Variants in LOX observed in about 807,000 individuals in gnomAD.
The protein encoded by LOX is protein-lysine 6-oxidase.
Under a neutral mutation model 50.5 loss-of-function variants are expected in LOX, and 12 were observed. The observed-to-expected ratio is 0.24, with a 90% CI of 0.15 to 0.38. The LOEUF is 0.38. LOX is among the 10% of genes least tolerant of loss of function. LOX has a pLI of 1.00. For synonymous variants in LOX, 254 were observed against 230.6 expected (o/e 1.10, Z -0.92); for missense variants, 504 against 563.8 (o/e 0.89, Z 1.07).
Position 122,077,667 on chromosome 5 carries a change from C to A in LOX, c.319G>T (p.Ala107Ser). ...NRTAAARTRTAGSSGVTAGRP... is the reference protein window; with the variant it reads ...NRTAAARTRTSGSSGVTAGRP... ...CCAGCGGTGACTCCAGATGAGCCGG[C>A]CGTCCGCGTTCGCGCCGCGGCGGTG... The change falls in exon 1 of 7, where the codon GCC becomes TCC. Residue 107 changes from alanine to serine, a missense_variant. Around this residue, in one of 2 missense-constraint regions of LOX, gnomAD observed 398 missense variants for 365.8 expected, o/e 1.09. Coordinates refer to ENST00000231004, the MANE Select transcript of LOX (RefSeq NM_002317.7). The surrounding 1 kb of genome is among the most constrained non-coding windows in gnomAD (Gnocchi z 4.9). The A allele has an allele frequency of 1.2e-6, 2 of 1,605,342 alleles. No individual in the cohort carries two copies. The highest frequency in any genetic ancestry group is 1.1e-5 in the South Asian group (1 of 90,676).
chr5:122,077,650 G>A lies in LOX; in HGVS notation c.336C>T (p.Val112=), dbSNP rs570623139. The A allele has an allele frequency of 8.1e-6, 13 of 1,608,492 alleles. 1 individual carries two copies. The South Asian group carries it at 1.4e-4, about 18-fold the overall frequency. The change falls in exon 1 of 7, where the codon GTC becomes GTT. Residue 112 remains valine (V), a synonymous_variant. Coordinates refer to ENST00000231004, the MANE Select transcript of LOX (RefSeq NM_002317.7). This position sits in a 1 kb window ranked among gnomAD's most constrained non-coding sequence, Gnocchi z 4.9. ...ARTRTAGSSG[V]TAGRPRPTAR... ...CGGTGGGCCTGGGGCGGCCAGCGGT[G>A]ACTCCAGATGAGCCGGCCGTCCGCG...
chr5:122,074,219 G>A, intron 3 of LOX, 50 bp from the exon 4 acceptor site: 1 of 1,507,356 alleles, frequency 6.6e-7, no homozygotes, highest in South Asian at 1.2e-5. Context: ...TACAGAGAAA[G>A]CAATGAAGAT....
At chr5:122,072,162 G>A (rs1260920612) in intron 4 of LOX, among the ~76,000 whole-genome samples, 8 of 152,028 alleles carry the variant, frequency 5.3e-5, no homozygotes, top group Admixed American at 5.2e-4. Flanking sequence ...ATTTAAGATG[G>A]GTTTACATAA....
chr5:122,076,986 A>T lies in LOX; in HGVS notation c.647T>A (p.Val216Glu), dbSNP rs779735609. Reference protein sequence around the residue: ...GYFQYGLPDLVADPYYIQAST... With the variant: ...GYFQYGLPDLEADPYYIQAST... ...CGCCTGGATGTAGTAGGGGTCGGCC[A>T]CCAGGTCTGGGAGACCTAAACGTCA... Residue 216 changes from valine to glutamate, a missense_variant, in exon 2 of 7, where the codon GTG becomes GAG. Around this residue, in one of 2 missense-constraint regions of LOX, gnomAD observed 398 missense variants for 365.8 expected, o/e 1.09. Transcript: ENST00000231004. 8.7e-6 allele frequency: 14 copies of T among 1,613,674 alleles called. No individual in the cohort carries two copies. The highest frequency in any genetic ancestry group is 1.2e-5 in the Non-Finnish European group (14 of 1,179,960).
rs1754665931 is a variant in LOX, at chr5:122,077,281, G to A, written c.631+74C>T. The A allele has an allele frequency of 9.4e-6, 15 of 1,593,946 alleles. No individual in the cohort carries two copies. Among genetic ancestry groups the A allele is most frequent in the Non-Finnish European group, 1.3e-5 (15 of 1,170,598 alleles). ...CGAGGACCGGGGCCCGCCGCGCCCA[G>A]GCAGCCACGTCGAGAAGCCACATAG... is the stretch of plus-strand genomic sequence containing the variant. On this transcript the variant is annotated intron_variant, in intron 1 of 6. Coordinates refer to ENST00000231004, the MANE Select transcript of LOX (RefSeq NM_002317.7). This position sits in a 1 kb window ranked among gnomAD's most constrained non-coding sequence, Gnocchi z 4.9.
intron 4 of LOX, 50 bp downstream of exon 4, chr5:122,073,963 C>A (rs749252530): frequency 9.0e-6 from 14 of 1,554,846 alleles, no homozygotes; most frequent in Non-Finnish European, 1.1e-5. Flanking sequence ...CGGTAGATGA[C>A]CCGTTTCTCT....
chr5:122,075,564 A>G lies in LOX; in HGVS notation c.741-23T>C, dbSNP rs141511990. The stretch of plus-strand genomic sequence containing the variant: ...GTACTGTGATTTTGAAAAAAGAAAA[A>G]TTATTATATTCATGGAATATTAACT... On this transcript the variant is annotated intron_variant, in intron 2 of 6. Transcript: ENST00000231004. 801 of 1,496,506 alleles carry G rather than the reference A, an allele frequency of 5.4e-4. 4 individuals are homozygous for G. The African/African-American group carries it at 9.9e-3, about 19-fold the overall frequency. The allele number at this position is 1,496,506 out of a possible 1,614,324, so 92.7% of individuals were successfully genotyped here. A position where few individuals can be genotyped will look rare whatever the true frequency, so the allele number is the denominator to read the frequency against.
Position 122,063,235 on chromosome 5 carries a change from T to G in LOX, c.*3508A>C, listed in dbSNP as rs931280139. On this transcript the variant is annotated 3_prime_UTR_variant, in exon 7 of 7. Coordinates refer to ENST00000231004, the MANE Select transcript of LOX (RefSeq NM_002317.7). ...TTATTCAAGGCATTTTTATATAATC[T>G]TGCAATCATAGTATAGATGTATAAT... 2.6e-5 allele frequency: 4 copies of G among 151,984 alleles called. No individual in the cohort carries two copies. Among genetic ancestry groups the G allele is most frequent in the Non-Finnish European group, 5.9e-5 (4 of 67,916 alleles). The allele number at this position is 151,984 out of a possible 1,614,324, so 9.4% of individuals were successfully genotyped here. A position where few individuals can be genotyped will look rare whatever the true frequency, so the allele number is the denominator to read the frequency against.
In LOX at chr5:122,066,625, CT is replaced by C. The variant is rs1754306421; in HGVS notation, c.*117del. The C allele has an allele frequency of 1.2e-6, 1 of 824,390 alleles. No individual in the cohort carries two copies. Among genetic ancestry groups the C allele is most frequent in the Admixed American group, 2.3e-5 (1 of 44,334 alleles). The allele number at this position is 824,390 out of a possible 1,614,324, so 51.1% of individuals were successfully genotyped here. On this transcript the variant is annotated 3_prime_UTR_variant, in exon 7 of 7. Coordinates refer to ENST00000231004, the MANE Select transcript of LOX (RefSeq NM_002317.7). ...ATTGAAAACAGTCCAAACAAAAATT[CT>C]TTTGTTGTTTTCTGTTCTCTTTTTC... is the stretch of plus-strand genomic sequence containing the variant.
intron 6 of LOX, among the ~76,000 whole-genome samples, chr5:122,069,197 C>T (rs560522363): frequency 3.7e-4 from 57 of 152,214 alleles, no homozygotes; most frequent in Non-Finnish European, 4.4e-4. Flanking sequence ...TCTAGTATAG[C>T]TCTGCTATAC....
Position 122,065,969 on chromosome 5 carries a change from A to T in LOX, c.*774T>A, listed in dbSNP as rs1754289062. The T allele has an allele frequency of 6.6e-6, 1 of 152,094 alleles. No individual in the cohort carries two copies. The highest frequency in any genetic ancestry group is 1.5e-5 in the Non-Finnish European group (1 of 67,992). The allele number at this position is 152,094 out of a possible 1,614,324, so 9.4% of individuals were successfully genotyped here. A position where few individuals can be genotyped will look rare whatever the true frequency, so the allele number is the denominator to read the frequency against. Reference sequence around the variant, plus strand: ...CAAGAATGGTGATATTAAGAATCCCACTTACAACATCTCTGCCCATGGGAA... The same window carrying T: ...CAAGAATGGTGATATTAAGAATCCCTCTTACAACATCTCTGCCCATGGGAA... On this transcript the variant is annotated 3_prime_UTR_variant, in exon 7 of 7. Transcript: ENST00000231004.
chr5:122,069,601 T>A (rs1754394148), intron 6 of LOX, among the ~76,000 whole-genome samples: 1 of 152,156 alleles, frequency 6.6e-6, no homozygotes, highest in Non-Finnish European at 1.5e-5. Flanking sequence ...ACATCTTGAT[T>A]TGTACAGACC....
chr5:122,070,134 G>C lies in LOX; in HGVS notation c.1166C>G (p.Ser389Cys), dbSNP rs748326926. The change falls in exon 6 of 7, where the codon TCT (serine) becomes TGT (cysteine). Residue 389 changes from serine (S) to cysteine (C), a missense_variant. By Grantham distance (112) the Ser-to-Cys change is moderately radical (BLOSUM62 -1). Transcript: ENST00000231004. ...GCGCACAACATTGTTGGTATAGTCA[G>C]ATTCAGGAACCAGGTAGCTGGGGTT... ...SVNPSYLVPESDYTNNVVRCD... is the reference protein window; with the variant it reads ...SVNPSYLVPECDYTNNVVRCD... 5 of 1,612,930 alleles carry C rather than the reference G, an allele frequency of 3.1e-6. No homozygotes were observed. The highest frequency in any genetic ancestry group is 1.6e-4 in the Middle Eastern group (1 of 6,078).
At chr5:122,073,901 T>A (rs944868521) in intron 4 of LOX, 112 bp downstream of exon 4, 2 of 1,004,408 alleles carry the variant, frequency 2.0e-6, no homozygotes, top group East Asian at 4.8e-5. Context: ...CTCTGTATCC[T>A]TTTGATAAAA....
chr5:122,072,884 C>T (rs2152588877), intron 4 of LOX, among the ~76,000 whole-genome samples: 1 of 152,208 alleles, frequency 6.6e-6, no homozygotes, highest in South Asian at 2.1e-4. Context: ...GTAAATGGGG[C>T]AAATAAACTC....
chr5:122,074,227 G>A lies in LOX; in HGVS notation c.879-58C>T, dbSNP rs975322392. ...AGTTACATACAGAGAAAGCAATGAA[G>A]ATATTAAATGACTTCCCCCATGGCT... On this transcript the variant is annotated intron_variant, in intron 3 of 6. Coordinates refer to ENST00000231004, the MANE Select transcript of LOX (RefSeq NM_002317.7). 5 of 1,431,322 alleles carry A rather than the reference G, an allele frequency of 3.5e-6. No individual in the cohort carries two copies. The Admixed American group carries it at 5.5e-5, about 16-fold the overall frequency. The allele number at this position is 1,431,322 out of a possible 1,614,324, so 88.7% of individuals were successfully genotyped here.
intron 6 of LOX, among the ~76,000 whole-genome samples, chr5:122,069,273 T>C (rs1241957012): frequency 6.6e-6 from 1 of 152,096 alleles, no homozygotes; most frequent in Non-Finnish European, 1.5e-5. Context: ...GAGTGTTGAG[T>C]ATCATTCCAA....
At position 122,077,493 on chromosome 5, in the gene LOX, C is replaced by G. The variant is rs749364042; in HGVS notation, c.493G>C (p.Gly165Arg). 4.2e-5 allele frequency: 68 copies of G among 1,613,784 alleles called. No individual in the cohort carries two copies. The highest frequency in any genetic ancestry group is 1.6e-4 in the Middle Eastern group (1 of 6,084). The part of the protein sequence containing the change: ...SNLRPPSRVD[G>R]MVGDDPYNPY... The stretch of plus-strand genomic sequence containing the variant: ...TTGTAAGGGTCGTCGCCCACCATGC[C>G]GTCCACGCGGCTGGGCGGCCGCAGG... The change falls in exon 1 of 7, where the codon GGC (glycine) becomes CGC (arginine). Residue 165 changes from glycine to arginine, a missense_variant. By Grantham distance (125) the Gly-to-Arg change is moderately radical (BLOSUM62 -2). This residue lies in a region of LOX where 398 missense variants were observed against 365.8 expected (regional missense o/e 1.09). Transcript: ENST00000231004. The surrounding 1 kb of genome is among the most constrained non-coding windows in gnomAD (Gnocchi z 4.9).
intron 6 of LOX, among the ~76,000 whole-genome samples, chr5:122,067,607 C>T (rs1399241464): frequency 1.3e-5 from 2 of 152,102 alleles, no homozygotes; most frequent in African/African-American, 4.8e-5. Flanking sequence ...AAAGCTTCAG[C>T]CTCCCACTGC....
Sources: gnomAD v4.1 joint callset for allele counts (sites outside exome capture counted in the v4.1 genomes callset) on GRCh38, gnomAD v4.1.1 for gene constraint, gnomAD v4.1.1 regional missense constraint, Gnocchi (gnomAD v3.1) non-coding constraint, MANE v1.5 for transcripts, NCBI Gene and HGNC (gene_info 2026-07-23, HGNC 2026-07-21) for gene names.